The following STRN variants were observed in gnomAD, a reference collection of about 807,000 sequenced individuals.
STRN encodes protein phosphatase 2 regulatory subunit B'''alpha.
STRN carries 53 observed loss-of-function variants against 96.3 expected under a neutral mutation model. The observed-to-expected ratio is 0.55, with a 90% CI of 0.44 to 0.69. The LOEUF is 0.69. STRN is among the 30% of genes least tolerant of loss of function. The pLI is 0.00. For synonymous variants in STRN, 428 were observed against 355.9 expected, an observed-to-expected ratio of 1.20 and a Z score of -2.28; for missense variants, 987 against 963.9, an observed-to-expected ratio of 1.02 and a Z score of -0.32.
Position 36,966,340 on chromosome 2 carries a change from C to T in STRN, c.124G>A (p.Ala42Thr). 3 of 1,487,128 alleles carry T rather than the reference C, an allele frequency of 2.0e-6. No individual in the cohort carries two copies. Among genetic ancestry groups the T allele is most frequent in the South Asian group, 1.3e-5 (1 of 77,786 alleles). The allele number at this position is 1,487,128 out of a possible 1,614,324, so 92.1% of individuals were successfully genotyped here. Residue 42 changes from alanine (A) to threonine (T), a missense_variant, in exon 1 of 18, where the codon GCG becomes ACG. By Grantham distance (58) the Ala-to-Thr change is moderately conservative. Coordinates refer to ENST00000263918, the MANE Select transcript of STRN (RefSeq NM_003162.4). The part of the protein sequence containing the change: ...AAGDGAAAAG[A>T]ARAQYSLPGI... ...GGGAGACTGTACTGGGCTCGGGCCG[C>T]CCCCGCCGCAGCCGCCCCGTCGCCG... is the stretch of plus-strand genomic sequence containing the variant.
chr2:36,860,251 A>C (rs960720214), intron 13 of STRN, among the ~76,000 whole-genome samples: 1 of 152,188 alleles, frequency 6.6e-6, no homozygotes, highest in Non-Finnish European at 1.5e-5. Flanking sequence ...AAATGAATAA[A>C]GTCAAAATGG....
intron 1 of STRN, among the ~76,000 whole-genome samples, chr2:36,962,956 T>C (rs1482773015): frequency 6.6e-6 from 1 of 152,250 alleles, no homozygotes. Context: ...TTTTCTCAAA[T>C]ATTATTAGTA....
At chr2:36,943,523 G>A (rs891102242) in intron 1 of STRN, among the ~76,000 whole-genome samples, 1 of 152,030 alleles carries the variant, frequency 6.6e-6, no homozygotes, top group African/African-American at 2.4e-5. Context: ...AGTTAAAATA[G>A]GCCAGGCACA....
chr2:36,908,619 C>T (rs980743152), intron 3 of STRN, among the ~76,000 whole-genome samples: 4 of 152,168 alleles, frequency 2.6e-5, no homozygotes, highest in South Asian at 2.1e-4. Flanking sequence ...AGAATGTACC[C>T]TATCCTCTTA....
At chr2:36,861,418 T>C (rs1395939110) in intron 12 of STRN, among the ~76,000 whole-genome samples, 165 bp from the exon 13 acceptor site, 1 of 152,194 alleles carries the variant, frequency 6.6e-6, no homozygotes, top group African/African-American at 2.4e-5. Context: ...TTTCTTCCTC[T>C]GGTTTAAGAG....
At chr2:36,901,081 C>T (rs1009028593) in intron 5 of STRN, among the ~76,000 whole-genome samples, 2 of 151,638 alleles carry the variant, frequency 1.3e-5, no homozygotes, top group Non-Finnish European at 2.9e-5. Context: ...AATCTACTTA[C>T]AGCTTTGTGT....
At chr2:36,955,900 C>A (rs1664875440) in intron 1 of STRN, among the ~76,000 whole-genome samples, 2 of 152,136 alleles carry the variant, frequency 1.3e-5, no homozygotes, top group Admixed American at 1.3e-4. Context: ...TTCATATATA[C>A]CCTATACACA....
At chr2:36,940,970 T>A (rs1473577760) in intron 1 of STRN, among the ~76,000 whole-genome samples, 1 of 151,262 alleles carries the variant, frequency 6.6e-6, no homozygotes, top group Non-Finnish European at 1.5e-5. Context: ...CTGGACAACA[T>A]GGCAAAACCT....
At chr2:36,914,878 T>C (rs1294400060) in intron 3 of STRN, among the ~76,000 whole-genome samples, 1 of 152,176 alleles carries the variant, frequency 6.6e-6, no homozygotes, top group Non-Finnish European at 1.5e-5. Flanking sequence ...AAAGATACTT[T>C]ACCGAATAAC....
intron 1 of STRN, among the ~76,000 whole-genome samples, chr2:36,945,962 CT>C (rs1019352328): frequency 2.6e-5 from 4 of 151,042 alleles, no homozygotes; most frequent in African/African-American, 7.3e-5. Flanking sequence ...TTAAAATAAA[CT>C]TTTTTTTTAA....
intron 8 of STRN, among the ~76,000 whole-genome samples, chr2:36,886,046 T>A (rs544367801): frequency 6.6e-6 from 1 of 152,226 alleles, no homozygotes; most frequent in South Asian, 2.1e-4. Flanking sequence ...CATAATGAAA[T>A]AATTAAACAT....
intron 14 of STRN, among the ~76,000 whole-genome samples, 178 bp downstream of exon 14, chr2:36,857,663 AAAAACAAAACAAAAC>A (rs113388415): frequency 0.013 from 1,969 of 152,192 alleles, 44 homozygotes; most frequent in African/African-American, 0.045. Flanking sequence ...CCGTCTCAAA[AAAAACAAAACAAAAC>A]AAAACAAAAC....
At chr2:36,917,291 G>A (rs1428095013) in intron 2 of STRN, among the ~76,000 whole-genome samples, 2 of 151,708 alleles carry the variant, frequency 1.3e-5, no homozygotes, top group South Asian at 4.1e-4. Flanking sequence ...GGAGGCCAAG[G>A]TAGATGGATC....
intron 1 of STRN, among the ~76,000 whole-genome samples, chr2:36,955,521 G>A (rs912449889): frequency 6.6e-6 from 1 of 152,178 alleles, no homozygotes; most frequent in African/African-American, 2.4e-5. Context: ...AGGTTAATGT[G>A]TGCAGTTTCT....
chr2:36,954,042 C>G (rs1198761263), intron 1 of STRN, among the ~76,000 whole-genome samples: 1 of 151,898 alleles, frequency 6.6e-6, no homozygotes, highest in Non-Finnish European at 1.5e-5. Context: ...AACTAAAAAT[C>G]AAATTTTTAG....
At chr2:36,917,073 A>T (rs562424861) in intron 2 of STRN, among the ~76,000 whole-genome samples, 47 of 150,172 alleles carry the variant, frequency 3.1e-4, no homozygotes, top group Non-Finnish European at 5.3e-4. Context: ...AATAAATAAA[A>T]AAAAAAGACT....
In STRN at chr2:36,861,256, G is replaced by A; in HGVS notation, c.1548-3C>T. Reference sequence around the variant, plus strand: ...TTACCACACAAAGCACTGGACCTCTGGGAGATTAAAAAAAATAAATCAACT... The same window carrying A: ...TTACCACACAAAGCACTGGACCTCTAGGAGATTAAAAAAAATAAATCAACT... On this transcript the variant is annotated splice_polypyrimidine_tract_variant and splice_region_variant and intron_variant, in intron 12 of 17. Transcript: ENST00000263918. The A allele has an allele frequency of 6.2e-7, 1 of 1,607,712 alleles. No individual in the cohort carries two copies. Among genetic ancestry groups the A allele is most frequent in the Non-Finnish European group, 8.5e-7 (1 of 1,178,214 alleles).
intron 3 of STRN, among the ~76,000 whole-genome samples, chr2:36,908,075 G>T (rs190957535): frequency 6.6e-6 from 1 of 152,130 alleles, no homozygotes; most frequent in Non-Finnish European, 1.5e-5. Context: ...TCCACTGACC[G>T]CAAATTCAGG....
At chr2:36,940,802 A>G (rs1670825906) in intron 1 of STRN, among the ~76,000 whole-genome samples, 2 of 148,898 alleles carry the variant, frequency 1.3e-5, no homozygotes, top group African/African-American at 5.0e-5. Context: ...GCACCACTGC[A>G]CAGCAGCCTG....
Sources: gnomAD v4.1 joint callset for allele counts (sites outside exome capture counted in the v4.1 genomes callset) on GRCh38, gnomAD v4.1.1 for gene constraint, MANE v1.5 for transcripts, NCBI Gene and HGNC (gene_info 2026-07-23, HGNC 2026-07-21) for gene names.